IQGAP2: variants seen among roughly 807,000 people sequenced by gnomAD.
IQGAP2 encodes ras GTPase-activating-like protein IQGAP2.
Under a neutral mutation model 201.3 loss-of-function variants are expected in IQGAP2, and 173 were observed. The observed-to-expected ratio is 0.86, with a 90% CI of 0.76 to 0.98. The LOEUF (loss-of-function observed/expected upper bound fraction) is 0.98, where lower values mean the gene tolerates loss of function less well. Ranked by LOEUF, IQGAP2 falls within the 50% of genes least tolerant of loss-of-function variation. IQGAP2 has a pLI of 0.00. For missense variants in IQGAP2, 1,687 were observed against 1,864.8 expected (o/e 0.90, Z 1.76); for synonymous variants, 675 against 673.9 (o/e 1.00, Z -0.03).
intron 13 of IQGAP2, among the ~76,000 whole-genome samples, chr5:76,619,743 C>A (rs1005108269): frequency 3.9e-5 from 6 of 152,082 alleles, no homozygotes; most frequent in Non-Finnish European, 7.4e-5. Context: ...TGGTCTCGAT[C>A]TCCTGACCTC....
At chr5:76,486,490 T>C (rs1756146051) in intron 2 of IQGAP2, among the ~76,000 whole-genome samples, 1 of 152,204 alleles carries the variant, frequency 6.6e-6, no homozygotes, top group Admixed American at 6.5e-5. Flanking sequence ...CCTCAACACA[T>C]AAATTTCATC....
At position 76,637,183 on chromosome 5, in the gene IQGAP2, G is replaced by A. The variant is rs746905895; in HGVS notation, c.1923+7G>A. On this transcript the variant is annotated splice_region_variant and intron_variant, in intron 16 of 35. Coordinates refer to ENST00000274364, the MANE Select transcript of IQGAP2 (RefSeq NM_006633.5). ...CACAGGAAAAGAAATCGAGGTAGGAGGTTGGTGTTTGATGGATAACTCTAC... is the reference window on the plus strand; with the variant it reads ...CACAGGAAAAGAAATCGAGGTAGGAAGTTGGTGTTTGATGGATAACTCTAC... 1.9e-6 allele frequency: 3 copies of A among 1,596,778 alleles called. No homozygotes were observed. The highest frequency in any genetic ancestry group is 2.7e-5 in the African/African-American group (2 of 73,834).
intron 1 of IQGAP2, among the ~76,000 whole-genome samples, chr5:76,449,395 A>G (rs1479749109): frequency 6.6e-6 from 1 of 152,128 alleles, no homozygotes; most frequent in Non-Finnish European, 1.5e-5. Context: ...AAGGAGCTTT[A>G]TAACTTTTCT....
At chr5:76,413,156 C>CTTTTTTTTTTTTTTTTTTTT (rs567410789) in intron 1 of IQGAP2, among the ~76,000 whole-genome samples, 19 of 83,720 alleles carry the variant, frequency 2.3e-4, no homozygotes, top group African/African-American at 3.1e-4. Context: ...TTTCTTTTCT[C>CTTTTTTTTTTTTTTTTTTTT]TTTTTTTTTT....
At chr5:76,438,206 A>G (rs1360322732) in intron 1 of IQGAP2, among the ~76,000 whole-genome samples, 2 of 151,994 alleles carry the variant, frequency 1.3e-5, no homozygotes, top group East Asian at 3.9e-4. Context: ...GCTGTAATCC[A>G]TCTGGCCCTG....
At position 76,614,079 on chromosome 5, in the gene IQGAP2, C is replaced by T. The variant is rs113532786; in HGVS notation, c.1521+2896C>T. Among the ~76,000 whole-genome samples, 619 of 152,280 alleles carry T rather than the reference C, an allele frequency of 4.1e-3. 1 individual carries two copies. The highest frequency in any genetic ancestry group is 8.4e-3 in the Admixed American group (129 of 15,296). ...GGACAAATAGAGACAGACCTGGGTC[C>T]CTGTCTGCCCACAGCCACATGGGGG... On this transcript the variant is annotated intron_variant, in intron 13 of 35. Coordinates refer to ENST00000274364, the MANE Select transcript of IQGAP2 (RefSeq NM_006633.5).
chr5:76,623,148 C>T lies in IQGAP2; in HGVS notation c.1522-4262C>T, dbSNP rs79814375. On this transcript the variant is annotated intron_variant, in intron 13 of 35. Transcript: ENST00000274364. The stretch of plus-strand genomic sequence containing the variant: ...CAGAAACCCACATCCCCATCCTACC[C>T]CCTGAGAAAATTGCTTACCACTCTG... 8.9e-4 allele frequency: 1,444 copies of T among 1,613,436 alleles called. 16 individuals are homozygous for T. In the African/African-American group the frequency reaches 0.017, roughly 19 times the overall value.
At chr5:76,410,231 T>G (rs1401849090) in intron 1 of IQGAP2, among the ~76,000 whole-genome samples, 1 of 152,182 alleles carries the variant, frequency 6.6e-6, no homozygotes, top group Non-Finnish European at 1.5e-5. Flanking sequence ...ATGAAAGTTG[T>G]GAATTTGAAA....
At chr5:76,660,412 A>G (rs1743149597) in intron 21 of IQGAP2, 1 of 152,250 alleles carries the variant, frequency 6.6e-6, no homozygotes, top group Admixed American at 6.5e-5. Flanking sequence ...TTTGACATCC[A>G]TGAGAACTTT....
chr5:76,574,257 A>C (rs1745317266), intron 4 of IQGAP2, among the ~76,000 whole-genome samples: 2 of 152,294 alleles, frequency 1.3e-5, no homozygotes, highest in South Asian at 4.1e-4. Context: ...GGAACAGAGA[A>C]GTTTGGTGCC....
At chr5:76,701,927 C>G (rs1747433208) in intron 34 of IQGAP2, 1 of 152,968 alleles carries the variant, frequency 6.5e-6, no homozygotes, top group Non-Finnish European at 1.5e-5. Flanking sequence ...CCTCCACCTC[C>G]CAGGTTCAAG....
chr5:76,448,083 A>G (rs1753509104), intron 1 of IQGAP2, among the ~76,000 whole-genome samples: 1 of 152,108 alleles, frequency 6.6e-6, no homozygotes, highest in Admixed American at 6.5e-5. Context: ...GCATCTCCTA[A>G]GGGTAGCGTG....
intron 2 of IQGAP2, among the ~76,000 whole-genome samples, chr5:76,497,613 A>G (rs1353919057): frequency 1.3e-5 from 2 of 152,202 alleles, no homozygotes; most frequent in African/African-American, 4.8e-5. Flanking sequence ...GGCACTTCGT[A>G]TTCTCTACTG....
chr5:76,518,846 G>T (rs917688329), intron 2 of IQGAP2, among the ~76,000 whole-genome samples: 5 of 152,110 alleles, frequency 3.3e-5, no homozygotes, highest in Admixed American at 1.3e-4. Flanking sequence ...AATAAAAAAT[G>T]GCTTTTGGGT....
chr5:76,409,440 T>C (rs1750988430), intron 1 of IQGAP2, among the ~76,000 whole-genome samples: 1 of 150,996 alleles, frequency 6.6e-6, no homozygotes, highest in Non-Finnish European at 1.5e-5. Context: ...AGAGATGGGG[T>C]TTCATCATGT....
At chr5:76,473,573 TCA>T (rs1460699990) in intron 2 of IQGAP2, among the ~76,000 whole-genome samples, 1 of 152,186 alleles carries the variant, frequency 6.6e-6, no homozygotes, top group Admixed American at 6.5e-5. Context: ...ACTCCTGGCC[TCA>T]GGCAGTCCTC....
At chr5:76,673,631 C>T (rs375030439) in intron 25 of IQGAP2, 42 bp downstream of exon 25, 10 of 1,599,488 alleles carry the variant, frequency 6.3e-6, no homozygotes, top group African/African-American at 5.4e-5. Flanking sequence ...TTTCCTGGAA[C>T]GTTCTTGGAA....
At chr5:76,561,404 C>T (rs1415267857) in intron 2 of IQGAP2, among the ~76,000 whole-genome samples, 4 of 152,114 alleles carry the variant, frequency 2.6e-5, no homozygotes, top group South Asian at 2.1e-4. Flanking sequence ...TATTGGGGCA[C>T]GGTGCTCTAC....
chr5:76,519,226 A>G (rs1324444601), intron 2 of IQGAP2, among the ~76,000 whole-genome samples: 1 of 152,222 alleles, frequency 6.6e-6, no homozygotes, highest in Non-Finnish European at 1.5e-5. Flanking sequence ...AATTAAGCAC[A>G]ACCTTCCTCT....
Sources: gnomAD v4.1 joint callset for allele counts (sites outside exome capture counted in the v4.1 genomes callset) on GRCh38, gnomAD v4.1.1 for gene constraint, MANE v1.5 for transcripts, NCBI Gene and HGNC (gene_info 2026-07-23, HGNC 2026-07-21) for gene names.